EYA2: variants seen among roughly 807,000 people sequenced by gnomAD.
EYA2 encodes EYA transcriptional coactivator and phosphatase 2, also known as protein phosphatase EYA2.
A neutral mutation model predicts 69.2 loss-of-function variants in EYA2; 31 were observed. The observed-to-expected ratio is 0.45, with a 90% CI of 0.34 to 0.60. The LOEUF is 0.60. Ranked by LOEUF, EYA2 falls within the 20% of genes least tolerant of loss-of-function variation. EYA2 has a pLI of 0.02. For synonymous variants in EYA2, 257 were observed against 279.4 expected, an observed-to-expected ratio of 0.92 and a Z score of 0.80; for missense variants, 622 against 701.2, an observed-to-expected ratio of 0.89 and a Z score of 1.28.
At chr20:46,982,960 G>A (rs1980935658) in intron 1 of EYA2, among the ~76,000 whole-genome samples, 1 of 147,926 alleles carries the variant, frequency 6.8e-6, no homozygotes, top group Non-Finnish European at 1.5e-5. Flanking sequence ...TTTTAGTAGA[G>A]GTGGGGTTTC....
At chr20:47,030,884 G>A (rs6094561) in intron 5 of EYA2, among the ~76,000 whole-genome samples, 30,179 of 152,098 alleles carry the variant, frequency 0.2, 3,466 homozygotes, top group African/African-American at 0.31. Flanking sequence ...AGCCTCCTGA[G>A]TAGCTGAGAC....
intron 5 of EYA2, among the ~76,000 whole-genome samples, chr20:47,022,598 G>A (rs909857287): frequency 2.7e-5 from 4 of 150,098 alleles, no homozygotes; most frequent in Non-Finnish European, 5.9e-5. Flanking sequence ...ACAGGCATGA[G>A]CCACTGTGCT....
At chr20:46,931,562 G>T (rs1413438623) in intron 1 of EYA2, among the ~76,000 whole-genome samples, 1 of 152,152 alleles carries the variant, frequency 6.6e-6, no homozygotes, top group Non-Finnish European at 1.5e-5. Flanking sequence ...ATGAGATCAC[G>T]TGAGCGAAGC....
intron 3 of EYA2, 147 bp downstream of exon 3, chr20:47,001,620 G>C (rs1982379160): frequency 2.4e-6 from 2 of 818,732 alleles, no homozygotes; most frequent in Non-Finnish European, 4.0e-6. Flanking sequence ...GCTTGAGCAA[G>C]TCACTCCACC....
intron 7 of EYA2, among the ~76,000 whole-genome samples, chr20:47,084,620 G>A (rs2031834182): frequency 6.6e-6 from 1 of 152,126 alleles, no homozygotes; most frequent in Admixed American, 6.5e-5. Flanking sequence ...TATAGGGATG[G>A]CCAAAAGCAC....
chr20:47,184,545 T>C (rs1042459937), intron 15 of EYA2, among the ~76,000 whole-genome samples: 2 of 151,528 alleles, frequency 1.3e-5, no homozygotes, highest in Non-Finnish European at 2.9e-5. Flanking sequence ...CACCTCTAAG[T>C]AGCTGGAGCT....
At position 46,923,185 on chromosome 20, in the gene EYA2, TG is replaced by T. The variant is rs751228665; in HGVS notation, c.-11+28200del. Reference sequence around the variant, plus strand: ...GAGTTTGAAACCAGCCTGGGCAACATGGTGAAACCCTGTCTCTACTAAAAAT... The same window carrying T: ...GAGTTTGAAACCAGCCTGGGCAACATGTGAAACCCTGTCTCTACTAAAAAT... On this transcript the variant is annotated intron_variant, in intron 1 of 15. Transcript: ENST00000327619. 1.1e-4 allele frequency among the ~76,000 whole-genome samples: 16 copies of T among 152,184 alleles called. No individual in the cohort carries two copies. In the East Asian group the frequency reaches 1.7e-3, roughly 17 times the overall value.
intron 5 of EYA2, among the ~76,000 whole-genome samples, chr20:47,044,658 C>A (rs187983163): frequency 3.9e-5 from 6 of 152,302 alleles, no homozygotes; most frequent in Admixed American, 1.3e-4. Flanking sequence ...TTCCTTCACT[C>A]AGCAAACATT....
chr20:46,910,207 G>T (rs1984573752), intron 1 of EYA2, among the ~76,000 whole-genome samples: 1 of 152,136 alleles, frequency 6.6e-6, no homozygotes, highest in South Asian at 2.1e-4. Context: ...AGCTTCTGGG[G>T]AGGCCTTAGG....
intron 10 of EYA2, among the ~76,000 whole-genome samples, chr20:47,154,596 G>C (rs2033884295): frequency 6.6e-6 from 1 of 151,890 alleles, no homozygotes; most frequent in Non-Finnish European, 1.5e-5. Context: ...TCTGGTTTGA[G>C]AAAAAGGATT....
At chr20:46,929,105 G>A (rs1004398350) in intron 1 of EYA2, among the ~76,000 whole-genome samples, 1 of 151,362 alleles carries the variant, frequency 6.6e-6, no homozygotes, top group African/African-American at 2.4e-5. Context: ...GGAACGGTGG[G>A]GTGGGAGAGC....
chr20:47,093,673 G>A (rs563826683), intron 8 of EYA2, among the ~76,000 whole-genome samples: 14 of 152,326 alleles, frequency 9.2e-5, no homozygotes, highest in East Asian at 5.8e-4. Context: ...GGGCACCAGC[G>A]CCTGCACAAG....
intron 10 of EYA2, among the ~76,000 whole-genome samples, chr20:47,163,319 C>G (rs2034109168): frequency 1.3e-5 from 2 of 152,168 alleles, no homozygotes; most frequent in South Asian, 4.1e-4. Context: ...ATGTAAGCCA[C>G]CGCGCCCAGC....
chr20:46,999,928 A>T (rs1982252727), intron 2 of EYA2, among the ~76,000 whole-genome samples: 1 of 152,228 alleles, frequency 6.6e-6, no homozygotes, highest in African/African-American at 2.4e-5. Context: ...ATAAGCAGTT[A>T]ACAAGGGCCT....
At chr20:47,022,139 A>G (rs968952952) in intron 5 of EYA2, among the ~76,000 whole-genome samples, 1 of 152,230 alleles carries the variant, frequency 6.6e-6, no homozygotes, top group Non-Finnish European at 1.5e-5. Flanking sequence ...AATAGAATTC[A>G]GGAGGCAATT....
intron 5 of EYA2, among the ~76,000 whole-genome samples, chr20:47,067,618 A>T (rs1217494110): frequency 6.6e-6 from 1 of 152,212 alleles, no homozygotes; most frequent in Non-Finnish European, 1.5e-5. Context: ...TTAAAAAAAA[A>T]TTTAATGTAA....
Position 47,179,820 on chromosome 20 carries a change from G to C in EYA2, c.1221G>C (p.Arg407Ser). ...NVGGLIGTPK[R>S]ETWLQLRAEL... ...CAGGGTTGATAGGCACTCCCAAAAG[G>C]GAGACCTGGCTACAGCTCCGAGCTG... The change falls in exon 13 of 16, where the codon AGG (arginine) becomes AGC (serine). Residue 407 changes from arginine (R) to serine (S), a missense_variant. By Grantham distance (110) the Arg-to-Ser change is moderately radical. Coordinates refer to ENST00000327619, the MANE Select transcript of EYA2 (RefSeq NM_005244.5). 1 of 1,613,924 alleles carries C rather than the reference G, an allele frequency of 6.2e-7. No individual in the cohort carries two copies. Among genetic ancestry groups the C allele is most frequent in the Non-Finnish European group, 8.5e-7 (1 of 1,179,930 alleles).
At chr20:46,997,950 A>G (rs981484260) in intron 2 of EYA2, 2 of 152,090 alleles carry the variant, frequency 1.3e-5, no homozygotes, top group African/African-American at 4.8e-5. Flanking sequence ...AGGGTGACCT[A>G]CTCCCTTTAG....
At chr20:46,987,085 C>G (rs1981279437) in intron 1 of EYA2, among the ~76,000 whole-genome samples, 4 of 152,176 alleles carry the variant, frequency 2.6e-5, no homozygotes, top group Admixed American at 2.6e-4. Flanking sequence ...TACCCAGCAT[C>G]CTGCTTAACT....
Sources: gnomAD v4.1 joint callset for allele counts (sites outside exome capture counted in the v4.1 genomes callset) on GRCh38, gnomAD v4.1.1 for gene constraint, MANE v1.5 for transcripts, NCBI Gene and HGNC (gene_info 2026-07-23, HGNC 2026-07-21) for gene names.